Variants in IPO9 observed in about 807,000 individuals in gnomAD.
The protein encoded by IPO9 is importin-9.
A neutral mutation model predicts 128.6 loss-of-function variants in IPO9; 28 were observed. The observed-to-expected ratio is 0.22, with a 90% CI of 0.16 to 0.30. The LOEUF is 0.30. Ranked by LOEUF, IPO9 falls within the 10% of genes least tolerant of loss-of-function variation. IPO9 has a pLI of 1.00. For synonymous variants in IPO9, 455 were observed against 475.8 expected (o/e 0.96, Z 0.57); for missense variants, 935 against 1,293.9 (o/e 0.72, Z 4.26).
intron 1 of IPO9, among the ~76,000 whole-genome samples, chr1:201,839,789 G>A (rs1269416116): frequency 6.6e-6 from 1 of 151,878 alleles, no homozygotes; most frequent in Non-Finnish European, 1.5e-5. Flanking sequence ...GACAATAAAA[G>A]AAAATATTTT....
At chr1:201,832,167 C>G (rs1194671341) in intron 1 of IPO9, among the ~76,000 whole-genome samples, 1 of 152,022 alleles carries the variant, frequency 6.6e-6, no homozygotes, top group Non-Finnish European at 1.5e-5. Context: ...TCCCAAAGTG[C>G]TGGGATTACA....
At position 201,868,814 on chromosome 1, in the gene IPO9, T is replaced by C; in HGVS notation, c.2004+18T>C. The stretch of plus-strand genomic sequence containing the variant: ...TTTGTGCGGTAAGTGGCCGTGTGTG[T>C]GTGTGTGTGTGTGTGAGAGAGATCT... On this transcript the variant is annotated intron_variant, in intron 16 of 23. Transcript: ENST00000361565. 6.4e-7 allele frequency: 1 copy of C among 1,568,684 alleles called. No individual in the cohort carries two copies. The highest frequency in any genetic ancestry group is 8.7e-7 in the Non-Finnish European group (1 of 1,147,262).
chr1:201,861,211 A>C (rs554589448), intron 13 of IPO9, among the ~76,000 whole-genome samples: 31 of 152,318 alleles, frequency 2.0e-4, no homozygotes, highest in African/African-American at 7.5e-4. Flanking sequence ...TTTCTGTATT[A>C]CTGTGAAAAT....
chr1:201,880,297 G>T lies in IPO9; in HGVS notation c.*4243G>T, dbSNP rs1056224918. The T allele has an allele frequency of 2.0e-5, 3 of 152,204 alleles. No individual in the cohort carries two copies. The highest frequency in any genetic ancestry group is 7.2e-5 in the African/African-American group (3 of 41,460). The allele number at this position is 152,204 out of a possible 1,614,324, so 9.4% of individuals were successfully genotyped here. On this transcript the variant is annotated 3_prime_UTR_variant, in exon 24 of 24. Transcript: ENST00000361565. ...AAAACAGGTTGTCTAGGGTAGTGTG[G>T]AAGGTCCTTTCAGTCTTCCTGTGCC... is the stretch of plus-strand genomic sequence containing the variant.
Position 201,883,765 on chromosome 1 carries a change from G to A in IPO9, c.*7711G>A, listed in dbSNP as rs984005980. On this transcript the variant is annotated 3_prime_UTR_variant, in exon 24 of 24. Coordinates refer to ENST00000361565, the MANE Select transcript of IPO9 (RefSeq NM_018085.5). ...CTATTTTGGTTAAAAGAAAATAAAT[G>A]TATTTCTTCCACACCTGATTTTGTG... The A allele has an allele frequency of 6.6e-6, 1 of 152,218 alleles. No individual in the cohort carries two copies. Among genetic ancestry groups the A allele is most frequent in the Non-Finnish European group, 1.5e-5 (1 of 68,034 alleles). The allele number at this position is 152,218 out of a possible 1,614,324, so 9.4% of individuals were successfully genotyped here. A position where few individuals can be genotyped will look rare whatever the true frequency, so the allele number is the denominator to read the frequency against.
At position 201,877,487 on chromosome 1, in the gene IPO9, T is replaced by A. The variant is rs1052971650; in HGVS notation, c.*1433T>A. On this transcript the variant is annotated 3_prime_UTR_variant, in exon 24 of 24. Transcript: ENST00000361565. Reference sequence around the variant, plus strand: ...CGTTGCATTCCAAGGCAAGACTCAATCACACACACACACACACACACACAC... The same window carrying A: ...CGTTGCATTCCAAGGCAAGACTCAAACACACACACACACACACACACACAC... 7 of 149,998 alleles carry A rather than the reference T, an allele frequency of 4.7e-5. No individual in the cohort carries two copies. Among genetic ancestry groups the A allele is most frequent in the African/African-American group, 1.7e-4 (7 of 40,710 alleles). 9.3% of individuals were successfully genotyped at this position (149,998 alleles called of 1,614,324 possible). A position where few individuals can be genotyped will look rare whatever the true frequency, so the allele number is the denominator to read the frequency against.
Position 201,853,878 on chromosome 1 carries a change from A to G in IPO9, c.691-717A>G, listed in dbSNP as rs376434342. Among the ~76,000 whole-genome samples, 94 of 152,344 alleles carry G rather than the reference A, an allele frequency of 6.2e-4. 1 individual carries two copies. The highest frequency in any genetic ancestry group is 2.2e-3 in the African/African-American group (92 of 41,576). On this transcript the variant is annotated intron_variant, in intron 6 of 23. Transcript: ENST00000361565. ...CTCAGCCTCCCGAGTAGCTGGGACT[A>G]CAGGCACGCGCCATCATGCCCAGCT...
chr1:201,857,250 C>G lies in IPO9; in HGVS notation c.1221+56C>G, dbSNP rs1236715936. ...ATTTCTATCAGTCACTTGAGCATTT[C>G]TTCTTTTTTGTAGACAACTAATCCA... On this transcript the variant is annotated intron_variant, in intron 11 of 23. Coordinates refer to ENST00000361565, the MANE Select transcript of IPO9 (RefSeq NM_018085.5). The G allele has an allele frequency of 2.4e-6, 3 of 1,231,494 alleles. No individual in the cohort carries two copies. In the Admixed American group the frequency reaches 5.1e-5, roughly 21 times the overall value. 76.3% of individuals were successfully genotyped at this position (1,231,494 alleles called of 1,614,324 possible). A position where few individuals can be genotyped will look rare whatever the true frequency, so the allele number is the denominator to read the frequency against.
At chr1:201,858,613 G>A in intron 12 of IPO9, 60 bp downstream of exon 12, 1 of 1,019,300 alleles carries the variant, frequency 9.8e-7, no homozygotes, top group South Asian at 1.9e-5. Flanking sequence ...AAAAAGTCTT[G>A]AAAGGATGGA....
intron 15 of IPO9, among the ~76,000 whole-genome samples, chr1:201,868,211 T>C (rs572232127): frequency 1.1e-4 from 16 of 152,262 alleles, no homozygotes; most frequent in Non-Finnish European, 2.2e-4. Context: ...CTACCGTGGC[T>C]ACCCCATAGG....
chr1:201,881,171 G>GGA lies in IPO9; in HGVS notation c.*5120_*5121dup, dbSNP rs1680878067. The stretch of plus-strand genomic sequence containing the variant: ...GGGGAGGAAGTCGGGTAAGTTGCAT[G>GGA]GAGAAGGCAACCCTTGAACACTTGC... On this transcript the variant is annotated 3_prime_UTR_variant, in exon 24 of 24. Transcript: ENST00000361565. 6.6e-6 allele frequency: 1 copy of GGA among 152,178 alleles called. No individual in the cohort carries two copies. Among genetic ancestry groups the GGA allele is most frequent in the African/African-American group, 2.4e-5 (1 of 41,432 alleles). The allele number at this position is 152,178 out of a possible 1,614,324, so 9.4% of individuals were successfully genotyped here. A position where few individuals can be genotyped will look rare whatever the true frequency, so the allele number is the denominator to read the frequency against.
At position 201,855,194 on chromosome 1, in the gene IPO9, A is replaced by T. The variant is rs556937136; in HGVS notation, c.970+12A>T. ...TGTGGATTCTGATGGTATGTAGTTT[A>T]TTTGATCTTTATAGAAATACCAGTT... On this transcript the variant is annotated intron_variant, in intron 9 of 23. Coordinates refer to ENST00000361565, the MANE Select transcript of IPO9 (RefSeq NM_018085.5). The T allele has an allele frequency of 1.9e-6, 3 of 1,554,308 alleles. No homozygotes were observed. In the East Asian group the frequency reaches 6.7e-5, roughly 35 times the overall value.
chr1:201,858,538 G>A lies in IPO9; in HGVS notation c.1313G>A (p.Ser438Asn). ...HLQEAEQTKN[S>N]GTEHWWKIHE... ...CAAGAAGCTGAGCAAACCAAAAACA[G>A]TGGCACTGAGCACTGGTAAGAGTGA... Residue 438 changes from serine to asparagine, a missense_variant, in exon 12 of 24, where the codon AGT becomes AAT. By Grantham distance (46) the Ser-to-Asn change is conservative (BLOSUM62 1). Around this residue, in one of 3 missense-constraint regions of IPO9, gnomAD observed 741 missense variants for 1,019.1 expected, o/e 0.73. Coordinates refer to ENST00000361565, the MANE Select transcript of IPO9 (RefSeq NM_018085.5). The A allele has an allele frequency of 6.3e-7, 1 of 1,584,570 alleles. No individual in the cohort carries two copies. The highest frequency in any genetic ancestry group is 8.6e-7 in the Non-Finnish European group (1 of 1,164,592).
At chr1:201,834,709 C>G (rs1235999554) in intron 1 of IPO9, among the ~76,000 whole-genome samples, 1 of 152,046 alleles carries the variant, frequency 6.6e-6, no homozygotes, top group Non-Finnish European at 1.5e-5. Context: ...ATGACATTTC[C>G]CCTATCATTT....
At chr1:201,855,731 C>A in intron 9 of IPO9, 52 bp from the exon 10 acceptor site, 19 of 1,517,150 alleles carry the variant, frequency 1.3e-5, no homozygotes, top group Admixed American at 2.0e-5. Context: ...TGCATATATG[C>A]TTTCCTTTTG....
At chr1:201,862,172 C>G (rs1054707706) in intron 13 of IPO9, among the ~76,000 whole-genome samples, 1 of 152,084 alleles carries the variant, frequency 6.6e-6, no homozygotes, top group African/African-American at 2.4e-5. Context: ...TAAGAGTGGT[C>G]CAAGGCTGCA....
chr1:201,859,008 C>T lies in IPO9; in HGVS notation c.1468+14C>T, dbSNP rs752852660. ...TCAACCTCTCAGGTATGTTTCAGCA[C>T]GTGCCAGGATTCTAGAAACTCTTTA... On this transcript the variant is annotated intron_variant, in intron 13 of 23. Transcript: ENST00000361565. 2.0e-5 allele frequency: 32 copies of T among 1,593,404 alleles called. No homozygotes were observed. In the Admixed American group the frequency reaches 2.0e-4, roughly 10 times the overall value.
At position 201,872,912 on chromosome 1, in the gene IPO9, G is replaced by A; in HGVS notation, c.2661G>A (p.Glu887=). 1.2e-6 allele frequency: 2 copies of A among 1,613,984 alleles called. No homozygotes were observed. The highest frequency in any genetic ancestry group is 4.5e-5 in the East Asian group (2 of 44,866). Reference sequence around the variant, plus strand: ...AGGATATCCGTGTGAAGGGAGAGGAGATCTACAGCATGGATGAGGGCATCC... The same window carrying A: ...AGGATATCCGTGTGAAGGGAGAGGAAATCTACAGCATGGATGAGGGCATCC... The part of the protein sequence containing the change: ...RLQDIRVKGE[E]IYSMDEGIRT... The change falls in exon 20 of 24, where the codon GAG becomes GAA. Residue 887 remains glutamate (E), a synonymous_variant. Coordinates refer to ENST00000361565, the MANE Select transcript of IPO9 (RefSeq NM_018085.5).
At chr1:201,874,442 A>T in intron 21 of IPO9, 70 bp downstream of exon 21, 2 of 1,550,996 alleles carry the variant, frequency 1.3e-6, no homozygotes, top group Non-Finnish European at 8.7e-7. Context: ...CAAATTATCA[A>T]CTTGGTTTGT....
Sources: gnomAD v4.1 joint callset for allele counts (sites outside exome capture counted in the v4.1 genomes callset) on GRCh38, gnomAD v4.1.1 for gene constraint, gnomAD v4.1.1 regional missense constraint, MANE v1.5 for transcripts, NCBI Gene and HGNC (gene_info 2026-07-23, HGNC 2026-07-21) for gene names.